RASAL2: variants seen among roughly 807,000 people sequenced by gnomAD.
RASAL2 encodes ras GTPase-activating protein nGAP.
In RASAL2, 58 loss-of-function variants were observed where a neutral mutation model predicts 128.9. The observed-to-expected ratio is 0.45, with a 90% CI of 0.36 to 0.56. RASAL2 has a LOEUF of 0.56. Ranked by LOEUF, RASAL2 falls within the 20% of genes least tolerant of loss-of-function variation. The pLI is 0.00. For synonymous variants in RASAL2, 561 were observed against 580.8 expected (o/e 0.97, Z 0.49); for missense variants, 1,360 against 1,601.6 (o/e 0.85, Z 2.57).
chr1:178,373,488 A>T (rs866260229), intron 3 of RASAL2, among the ~76,000 whole-genome samples: 2 of 151,642 alleles, frequency 1.3e-5, no homozygotes, highest in Non-Finnish European at 2.9e-5. Flanking sequence ...CCCCTGACAC[A>T]TGCATACATA....
chr1:178,326,906 C>T (rs186081366), intron 3 of RASAL2, among the ~76,000 whole-genome samples: 64 of 152,292 alleles, frequency 4.2e-4, no homozygotes, highest in Non-Finnish European at 7.6e-4. Flanking sequence ...TCTTCTCTTA[C>T]CGACTTTTTA....
intron 1 of RASAL2, among the ~76,000 whole-genome samples, chr1:178,216,609 G>T (rs762034140): frequency 3.2e-4 from 49 of 152,154 alleles, no homozygotes; most frequent in South Asian, 8.3e-4. Flanking sequence ...CCGAATTCAG[G>T]ATAGCTAATT....
At chr1:178,406,259 A>G (rs1191324360) in intron 4 of RASAL2, among the ~76,000 whole-genome samples, 1 of 152,236 alleles carries the variant, frequency 6.6e-6, no homozygotes, top group Non-Finnish European at 1.5e-5. Context: ...CAGTGGAATA[A>G]AAAGGAGCAA....
At chr1:178,381,250 G>GT (rs1246543616) in intron 3 of RASAL2, among the ~76,000 whole-genome samples, 3 of 152,182 alleles carry the variant, frequency 2.0e-5, no homozygotes, top group African/African-American at 7.2e-5. Context: ...GTAATGATGA[G>GT]TAGGATAGCT....
At chr1:178,187,004 T>G (rs1662326867) in intron 1 of RASAL2, among the ~76,000 whole-genome samples, 1 of 152,006 alleles carries the variant, frequency 6.6e-6, no homozygotes, top group African/African-American at 2.4e-5. Context: ...TTCATTTTTA[T>G]TTTTTGTGGA....
At chr1:178,403,001 ATATTCCT>A (rs1673749117) in intron 4 of RASAL2, among the ~76,000 whole-genome samples, 1 of 152,128 alleles carries the variant, frequency 6.6e-6, no homozygotes, top group Non-Finnish European at 1.5e-5. Context: ...TCTCATTATT[ATATTCCT>A]TAAAGCCATC....
At chr1:178,180,134 A>G (rs1330377647) in intron 1 of RASAL2, among the ~76,000 whole-genome samples, 2 of 152,280 alleles carry the variant, frequency 1.3e-5, no homozygotes, top group East Asian at 1.9e-4. Context: ...ATAAGGTTTC[A>G]GATTAAAAAG....
intron 1 of RASAL2, among the ~76,000 whole-genome samples, chr1:178,229,477 CTT>C (rs575547698): frequency 3.4e-5 from 5 of 145,046 alleles, no homozygotes; most frequent in Non-Finnish European, 3.0e-5. Context: ...TTTTGTAGAA[CTT>C]TTTTTTTTTT....
chr1:178,239,453 T>C (rs1459244090), intron 1 of RASAL2, among the ~76,000 whole-genome samples: 2 of 152,046 alleles, frequency 1.3e-5, no homozygotes, highest in African/African-American at 4.8e-5. Context: ...GTGAAGATGT[T>C]ATACAACTGG....
chr1:178,381,125 A>C (rs1010444942), intron 3 of RASAL2, among the ~76,000 whole-genome samples: 3 of 152,202 alleles, frequency 2.0e-5, no homozygotes, highest in Admixed American at 1.3e-4. Context: ...TGTTGGCAGA[A>C]AGGACTAAAT....
At chr1:178,176,029 G>C (rs1363751151) in intron 1 of RASAL2, among the ~76,000 whole-genome samples, 1 of 152,126 alleles carries the variant, frequency 6.6e-6, no homozygotes, top group South Asian at 2.1e-4. Context: ...ATATACAGGT[G>C]TCTTTTGATG....
chr1:178,295,206 G>A (rs1043293482), intron 2 of RASAL2, among the ~76,000 whole-genome samples: 1 of 150,618 alleles, frequency 6.6e-6, no homozygotes, highest in Non-Finnish European at 1.5e-5. Flanking sequence ...TGTCTAGAAT[G>A]TCTAGAGTGG....
intron 1 of RASAL2, among the ~76,000 whole-genome samples, chr1:178,248,272 A>G (rs1220158899): frequency 6.6e-6 from 1 of 152,162 alleles, no homozygotes; most frequent in African/African-American, 2.4e-5. Flanking sequence ...CTGCTTATAT[A>G]TTTAGGATAG....
At chr1:178,301,230 T>A (rs572943739) in intron 3 of RASAL2, among the ~76,000 whole-genome samples, 1 of 152,310 alleles carries the variant, frequency 6.6e-6, no homozygotes, top group South Asian at 2.1e-4. Flanking sequence ...TTTTCTCTCA[T>A]CTTATTTCCA....
At chr1:178,124,985 T>G (rs913032780) in intron 1 of RASAL2, among the ~76,000 whole-genome samples, 3 of 152,232 alleles carry the variant, frequency 2.0e-5, no homozygotes, top group African/African-American at 7.2e-5. Context: ...AAACTTGAGT[T>G]TGAAAATGTT....
intron 1 of RASAL2, among the ~76,000 whole-genome samples, chr1:178,230,721 A>G (rs1663972358): frequency 6.6e-6 from 1 of 152,192 alleles, no homozygotes; most frequent in Non-Finnish European, 1.5e-5. Flanking sequence ...TAGAGCAACA[A>G]TGAAAAGGAA....
intron 3 of RASAL2, chr1:178,372,436 G>C (rs549973337): frequency 1.3e-6 from 1 of 788,782 alleles, no homozygotes; most frequent in Admixed American, 6.2e-5. Flanking sequence ...AAGGAGAAGA[G>C]GAATTAAGGG....
chr1:178,425,527 T>A (rs570347622), intron 5 of RASAL2, among the ~76,000 whole-genome samples: 6 of 152,280 alleles, frequency 3.9e-5, no homozygotes, highest in African/African-American at 1.2e-4. Context: ...GGATTCAGTT[T>A]AGTTGCCAAT....
chr1:178,119,344 C>T (rs1392423975), intron 1 of RASAL2, among the ~76,000 whole-genome samples: 7 of 152,196 alleles, frequency 4.6e-5, no homozygotes, highest in Admixed American at 4.6e-4. Context: ...GTTCTACATC[C>T]ATCACCTCCC....
Sources: allele counts gnomAD v4.1 joint callset (sites outside exome capture counted in the v4.1 genomes callset), GRCh38; gene constraint gnomAD v4.1.1; transcripts MANE v1.5; gene names NCBI Gene and HGNC (gene_info 2026-07-23, HGNC 2026-07-21).